CENPU: variants seen among roughly 807,000 people sequenced by gnomAD.
CENPU encodes the protein KSHV latent nuclear antigen interacting protein 1.
In CENPU, 46 loss-of-function variants were observed where a neutral mutation model predicts 56.7. That is an observed-to-expected ratio of 0.81 (90% CI 0.64 to 1.04). The LOEUF is 1.04. Ranked by LOEUF, CENPU falls within the 50% of genes least tolerant of loss-of-function variation. The pLI is 0.00. For missense variants in CENPU, 510 were observed against 490.1 expected (o/e 1.04, Z -0.38); for synonymous variants, 166 against 163.0 (o/e 1.02, Z -0.14).
chr4:184,732,452 G>A (rs1004111655), intron 1 of CENPU, among the ~76,000 whole-genome samples: 3 of 152,172 alleles, frequency 2.0e-5, no homozygotes, highest in Non-Finnish European at 2.9e-5. Context: ...AAGGAAGCAG[G>A]TAAGACAAGT....
chr4:184,702,079 A>C lies in CENPU; in HGVS notation c.924+10T>G. 1.3e-6 allele frequency: 2 copies of C among 1,587,818 alleles called. No homozygotes were observed. Among genetic ancestry groups the C allele is most frequent in the Non-Finnish European group, 1.7e-6 (2 of 1,157,844 alleles). On this transcript the variant is annotated intron_variant, in intron 10 of 12. Coordinates refer to ENST00000281453, the MANE Select transcript of CENPU (RefSeq NM_024629.4). ...TTGACTCTATGACTCTAATCACATAAATAATTTACCTTAGCATTCTTCCTT... is the reference window on the plus strand; with the variant it reads ...TTGACTCTATGACTCTAATCACATACATAATTTACCTTAGCATTCTTCCTT...
intron 8 of CENPU, among the ~76,000 whole-genome samples, chr4:184,704,009 G>A (rs1365455131): frequency 6.6e-6 from 1 of 152,048 alleles, no homozygotes; most frequent in Non-Finnish European, 1.5e-5. Flanking sequence ...TAAAAGTATA[G>A]CACACATACT....
chr4:184,708,574 C>G (rs1196064961), intron 8 of CENPU, among the ~76,000 whole-genome samples: 1 of 151,848 alleles, frequency 6.6e-6, no homozygotes, highest in Admixed American at 6.6e-5. Flanking sequence ...AAGAACAGAT[C>G]ACATTCAAAG....
chr4:184,696,374 C>CT, intron 12 of CENPU, among the ~76,000 whole-genome samples: 1 of 152,140 alleles, frequency 6.6e-6, no homozygotes, highest in East Asian at 1.9e-4. Context: ...TGAGCTCACT[C>CT]TAAGAACAGG....
chr4:184,697,739 G>C lies in CENPU; in HGVS notation c.1051C>G (p.Leu351Val), dbSNP rs756724787. 1 of 1,612,708 alleles carries C rather than the reference G, an allele frequency of 6.2e-7. No homozygotes were observed. Among genetic ancestry groups the C allele is most frequent in the African/African-American group, 1.3e-5 (1 of 74,856 alleles). The change falls in exon 12 of 13, where the codon CTT (leucine) becomes GTT (valine). Residue 351 changes from leucine to valine, a missense_variant. Transcript: ENST00000281453. ...YDELKERKSS[L>V]RNAAYFLSNL... ...GATAAGAAATATGCTGCATTCCTAA[G>C]GGAAGACTTTCTCTCTTTAAGTTCA...
At position 184,716,416 on chromosome 4, in the gene CENPU, A is replaced by G. The variant is rs1761096402; in HGVS notation, c.599T>C (p.Leu200Ser). 6.2e-7 allele frequency: 1 copy of G among 1,613,612 alleles called. No individual in the cohort carries two copies. Among genetic ancestry groups the G allele is most frequent in the African/African-American group, 1.3e-5 (1 of 74,866 alleles). Residue 200 changes from leucine (L) to serine (S), a missense_variant, in exon 6 of 13, where the codon TTG becomes TCG. By Grantham distance (145) the Leu-to-Ser change is moderately radical (BLOSUM62 -2). Transcript: ENST00000281453. ...TCTTACCGATTGACTTTCTATTGCC[A>G]AGTTCTCTTTTTCAACAGAGGGCTG... ...SAQPSVEKEN[L>S]AIESQSKTQK...
chr4:184,720,749 GA>G (rs1761247577), intron 4 of CENPU, among the ~76,000 whole-genome samples: 1 of 151,856 alleles, frequency 6.6e-6, no homozygotes, highest in Non-Finnish European at 1.5e-5. Flanking sequence ...AGTGTTGAAG[GA>G]AAAAAACTTT....
At chr4:184,718,464 C>T (rs545069956) in intron 4 of CENPU, among the ~76,000 whole-genome samples, 6 of 152,370 alleles carry the variant, frequency 3.9e-5, no homozygotes, top group African/African-American at 1.4e-4. Flanking sequence ...GCCATGCATA[C>T]AGGCAAAGGG....
chr4:184,705,800 G>A (rs917836227), intron 8 of CENPU, among the ~76,000 whole-genome samples: 2 of 152,174 alleles, frequency 1.3e-5, no homozygotes, highest in Non-Finnish European at 2.9e-5. Flanking sequence ...AAATTCTGAT[G>A]CAAGCTATCA....
chr4:184,731,991 C>T (rs932246028), intron 1 of CENPU, among the ~76,000 whole-genome samples: 4 of 151,632 alleles, frequency 2.6e-5, no homozygotes, highest in Admixed American at 6.6e-5. Context: ...ATTCATGGTA[C>T]AATTTCTAAA....
chr4:184,707,752 T>C (rs560199238), intron 8 of CENPU, among the ~76,000 whole-genome samples: 12 of 152,304 alleles, frequency 7.9e-5, no homozygotes, highest in Non-Finnish European at 5.9e-5. Flanking sequence ...GCTCAGAGGC[T>C]GGAATAACAG....
intron 3 of CENPU, among the ~76,000 whole-genome samples, chr4:184,726,646 A>G (rs911865793): frequency 6.6e-6 from 1 of 152,214 alleles, no homozygotes; most frequent in African/African-American, 2.4e-5. Context: ...AAGAGGAGAA[A>G]GCAGGGACTC....
At chr4:184,727,823 C>T (rs28445002) in intron 3 of CENPU, among the ~76,000 whole-genome samples, 27,110 of 152,134 alleles carry the variant, frequency 0.18, 2,710 homozygotes, top group African/African-American at 0.26. Flanking sequence ...TAAAAACTTA[C>T]AGGAATGAGG....
intron 4 of CENPU, among the ~76,000 whole-genome samples, chr4:184,724,515 G>A (rs1184299754): frequency 2.6e-5 from 4 of 152,144 alleles, no homozygotes; most frequent in African/African-American, 7.2e-5. Flanking sequence ...AAATCTCAAA[G>A]ACTCAAACCA....
chr4:184,701,652 C>G (rs1348651075), intron 10 of CENPU, among the ~76,000 whole-genome samples: 1 of 152,122 alleles, frequency 6.6e-6, no homozygotes, highest in Non-Finnish European at 1.5e-5. Flanking sequence ...GGTCTCCTGA[C>G]CCTTAACCCA....
At chr4:184,730,286 A>C (rs1458611581) in intron 2 of CENPU, among the ~76,000 whole-genome samples, 2 of 152,140 alleles carry the variant, frequency 1.3e-5, no homozygotes, top group African/African-American at 4.8e-5. Context: ...AGCGCTGAGC[A>C]AAACCCTGCA....
chr4:184,708,900 C>A (rs1760822740), intron 8 of CENPU, among the ~76,000 whole-genome samples: 1 of 152,114 alleles, frequency 6.6e-6, no homozygotes, highest in Middle Eastern at 3.4e-3. Flanking sequence ...AAAACAGAGA[C>A]AGACACACAC....
At chr4:184,728,248 T>A (rs905773294) in intron 3 of CENPU, among the ~76,000 whole-genome samples, 2 of 152,216 alleles carry the variant, frequency 1.3e-5, no homozygotes, top group Admixed American at 6.5e-5. Context: ...ATTATTCTGG[T>A]GAATACATTT....
chr4:184,695,424 T>C (rs767548841), intron 12 of CENPU, 23 bp from the exon 13 acceptor site: 1 of 1,532,228 alleles, frequency 6.5e-7, no homozygotes, highest in Non-Finnish European at 9.0e-7. Flanking sequence ...AATTATATAA[T>C]TAGCAATATC....
Sources: allele counts gnomAD v4.1 joint callset (sites outside exome capture counted in the v4.1 genomes callset), GRCh38; gene constraint gnomAD v4.1.1; transcripts MANE v1.5; gene names NCBI Gene and HGNC (gene_info 2026-07-23, HGNC 2026-07-21).